TYW1: variants seen among roughly 807,000 people sequenced by gnomAD.
TYW1 encodes the protein tRNA-yW synthesizing protein 1 homolog.
In TYW1, 46 loss-of-function variants were observed where a neutral mutation model predicts 96.2. The observed-to-expected ratio is 0.48, with a 90% CI of 0.38 to 0.61. The LOEUF (loss-of-function observed/expected upper bound fraction) is 0.61. Ranked by LOEUF, TYW1 falls within the 20% of genes least tolerant of loss-of-function variation. TYW1 has a pLI of 0.00. For missense variants in TYW1, 684 were observed against 909.6 expected (o/e 0.75, Z 3.19); for synonymous variants, 274 against 323.0 (o/e 0.85, Z 1.63).
intron 7 of TYW1, among the ~76,000 whole-genome samples, chr7:67,033,720 G>A (rs867452042): frequency 6.6e-6 from 1 of 150,462 alleles, no homozygotes; most frequent in Non-Finnish European, 1.5e-5. Context: ...TTTTGAGACG[G>A]AGTCTCGCTC....
chr7:67,231,417 G>A (rs1801745705), intron 15 of TYW1, among the ~76,000 whole-genome samples: 1 of 152,140 alleles, frequency 6.6e-6, no homozygotes, highest in Non-Finnish European at 1.5e-5. Context: ...CTGGGATCCT[G>A]TGTTTCCTAA....
At chr7:67,152,510 C>G (rs1033763567) in intron 13 of TYW1, among the ~76,000 whole-genome samples, 4 of 152,134 alleles carry the variant, frequency 2.6e-5, no homozygotes, top group Non-Finnish European at 2.9e-5. Flanking sequence ...ATTGTATCCT[C>G]CCTCACCCCG....
intron 15 of TYW1, among the ~76,000 whole-genome samples, chr7:67,204,557 C>CTTCT (rs61084828): frequency 0.082 from 11,230 of 137,678 alleles, 710 homozygotes; most frequent in East Asian, 0.25. Context: ...TCTTCTTCTT[C>CTTCT]TTCTTTCTTC....
chr7:67,098,635 G>A lies in TYW1; in HGVS notation c.1479G>A (p.Glu493=), dbSNP rs61607874. ...TGGGAGAACCAATAATGTACCCAGA[G>A]ATCAACAGGTTTTTGAAGCTACTCC... ...SLVGEPIMYP[E]INRFLKLLHQ... Residue 493 remains glutamate, a synonymous_variant, in exon 12 of 16, where the codon GAG becomes GAA. Transcript: ENST00000359626. 1,579 of 1,613,924 alleles carry A rather than the reference G, an allele frequency of 9.8e-4. 12 individuals are homozygous for A. In the African/African-American group the frequency reaches 0.017, roughly 17 times the overall value.
At chr7:67,180,425 A>ATATATTATT (rs1563058168) in intron 13 of TYW1, among the ~76,000 whole-genome samples, 14 of 68,624 alleles carry the variant, frequency 2.0e-4, no homozygotes, top group Non-Finnish European at 3.8e-4. Context: ...TATATATATA[A>ATATATTATT]TTTTTTTTTT....
intron 12 of TYW1, among the ~76,000 whole-genome samples, chr7:67,109,090 G>A (rs1419349235): frequency 4.6e-5 from 7 of 151,422 alleles, no homozygotes; most frequent in East Asian, 3.9e-4. Flanking sequence ...TGGCTAACAC[G>A]GTGAAACCCT....
Position 67,144,549 on chromosome 7 carries a change from G to A in TYW1, c.1698+26931G>A, listed in dbSNP as rs544621520. On this transcript the variant is annotated intron_variant, in intron 13 of 15. Transcript: ENST00000359626. ...TGCAGTGGCATGATCTCAGCTCACT[G>A]CAGCCTCCACCTCCCGACTCAAGCA... 3.9e-5 allele frequency among the ~76,000 whole-genome samples: 6 copies of A among 152,224 alleles called. No homozygotes were observed. The South Asian group carries it at 1.2e-3, about 32-fold the overall frequency.
chr7:67,077,458 C>T (rs138463100), intron 10 of TYW1, among the ~76,000 whole-genome samples: 92 of 152,150 alleles, frequency 6.0e-4, no homozygotes, highest in African/African-American at 1.9e-3. Flanking sequence ...AATCTCATTG[C>T]GGTTTTGATT....
chr7:67,095,932 C>G (rs1203121098), intron 11 of TYW1, among the ~76,000 whole-genome samples: 1 of 152,058 alleles, frequency 6.6e-6, no homozygotes, highest in Non-Finnish European at 1.5e-5. Context: ...GGGATCGAAT[C>G]AGTTTCATAA....
At chr7:67,229,795 C>A (rs1044502998) in intron 15 of TYW1, among the ~76,000 whole-genome samples, 1 of 152,110 alleles carries the variant, frequency 6.6e-6, no homozygotes, top group Non-Finnish European at 1.5e-5. Flanking sequence ...CTCTACAAAA[C>A]GTTAAAACAT....
chr7:67,009,137 G>A (rs546085332), intron 3 of TYW1, among the ~76,000 whole-genome samples: 1 of 152,118 alleles, frequency 6.6e-6, no homozygotes, highest in Non-Finnish European at 1.5e-5. Flanking sequence ...AGCCTCTTGA[G>A]TAGCTGGGAC....
intron 13 of TYW1, among the ~76,000 whole-genome samples, chr7:67,133,544 A>G (rs1454865031): frequency 6.6e-6 from 1 of 150,776 alleles, no homozygotes; most frequent in Non-Finnish European, 1.5e-5. Context: ...CTAAAAATAC[A>G]AAAATTAGCT....
chr7:67,107,487 G>A (rs770583117), intron 12 of TYW1, among the ~76,000 whole-genome samples: 2 of 152,238 alleles, frequency 1.3e-5, no homozygotes, highest in African/African-American at 4.8e-5. Context: ...AGCTTGGGCT[G>A]TGGGCTAGGT....
At chr7:67,165,069 A>G (rs1310500443) in intron 13 of TYW1, among the ~76,000 whole-genome samples, 2 of 151,426 alleles carry the variant, frequency 1.3e-5, no homozygotes, top group Non-Finnish European at 2.9e-5. Context: ...TTACACTCCC[A>G]CCGTCAATGA....
intron 13 of TYW1, among the ~76,000 whole-genome samples, chr7:67,170,554 A>T (rs527463594): frequency 5.7e-4 from 86 of 152,194 alleles, no homozygotes; most frequent in Non-Finnish European, 1.1e-3. Context: ...TGAACAACGA[A>T]GTGGCATTTC....
At chr7:67,140,893 A>G (rs1376608130) in intron 13 of TYW1, among the ~76,000 whole-genome samples, 1 of 152,216 alleles carries the variant, frequency 6.6e-6, no homozygotes, top group Non-Finnish European at 1.5e-5. Context: ...TCAACCACAC[A>G]TTGAATTGGT....
At chr7:67,225,190 C>CAAA (rs10600752) in intron 15 of TYW1, among the ~76,000 whole-genome samples, 32 of 77,964 alleles carry the variant, frequency 4.1e-4, no homozygotes, top group Non-Finnish European at 6.4e-4. Flanking sequence ...GACTCCGTCT[C>CAAA]AAAAAAAAAA....
At position 67,055,235 on chromosome 7, in the gene TYW1, A is replaced by G. The variant is rs998441401; in HGVS notation, c.1103-600A>G. Among the ~76,000 whole-genome samples, 32 of 152,268 alleles carry G rather than the reference A, an allele frequency of 2.1e-4. 1 individual carries two copies. Among genetic ancestry groups the G allele is most frequent in the African/African-American group, 7.7e-4 (32 of 41,542 alleles). ...GCTTACATCTTTTAGAGCTTTACCG[A>G]GTTTTTACCTATGAGATCTGTTAGA... On this transcript the variant is annotated intron_variant, in intron 8 of 15. Coordinates refer to ENST00000359626, the MANE Select transcript of TYW1 (RefSeq NM_018264.4).
chr7:67,189,255 C>T (rs190952359), intron 14 of TYW1, among the ~76,000 whole-genome samples: 65 of 152,142 alleles, frequency 4.3e-4, no homozygotes, highest in Middle Eastern at 3.4e-3. Context: ...GGCATGCCCT[C>T]GGCATCTTTT....
Sources: allele counts gnomAD v4.1 joint callset (sites outside exome capture counted in the v4.1 genomes callset), GRCh38; gene constraint gnomAD v4.1.1; transcripts MANE v1.5; gene names NCBI Gene and HGNC (gene_info 2026-07-23, HGNC 2026-07-21).